The following CSMD1 variants were observed in gnomAD, a reference collection of about 807,000 sequenced individuals.
CSMD1 encodes CUB and Sushi multiple domains 1.
CSMD1 carries 213 observed loss-of-function variants against 417.5 expected under a neutral mutation model. That is an observed-to-expected ratio of 0.51 (90% CI 0.46 to 0.57). CSMD1 has a LOEUF of 0.57. CSMD1 is among the 20% of genes least tolerant of loss of function. CSMD1 has a pLI of 0.00. For synonymous variants in CSMD1, 2,862 were observed against 1,736.8 expected (o/e 1.65, Z -16.11); for missense variants, 6,923 against 4,529.7 (o/e 1.53, Z -15.17).
intron 3 of CSMD1, among the ~76,000 whole-genome samples, chr8:4,224,213 G>C (rs886942159): frequency 2.7e-4 from 30 of 109,390 alleles, no homozygotes; most frequent in South Asian, 1.5e-3. Context: ...TGTGATCCAA[G>C]TCCTAAAAAG....
intron 2 of CSMD1, among the ~76,000 whole-genome samples, chr8:4,429,947 A>T (rs1585061266): frequency 2.0e-5 from 3 of 152,284 alleles, no homozygotes; most frequent in Admixed American, 2.0e-4. Context: ...AATGAAAAAG[A>T]CAAGAGGCAA....
intron 3 of CSMD1, among the ~76,000 whole-genome samples, chr8:4,116,261 T>G (rs1226886474): frequency 2.0e-5 from 3 of 151,950 alleles, no homozygotes; most frequent in African/African-American, 7.3e-5. Context: ...CCCACAGTGC[T>G]GGGATTACAA....
intron 10 of CSMD1, among the ~76,000 whole-genome samples, chr8:3,558,576 GATGA>G (rs1563152871): frequency 1.4e-5 from 2 of 144,048 alleles, no homozygotes; most frequent in African/African-American, 5.4e-5. Flanking sequence ...CTCCTGCAAT[GATGA>G]ATGGTGTCTC....
intron 3 of CSMD1, among the ~76,000 whole-genome samples, chr8:4,059,047 G>C (rs1365799490): frequency 6.6e-6 from 1 of 152,014 alleles, no homozygotes; most frequent in Non-Finnish European, 1.5e-5. Context: ...TGGAAGTAAA[G>C]CTCTCCTCAG....
intron 5 of CSMD1, among the ~76,000 whole-genome samples, chr8:3,826,244 TGGTCAGCCCAGGCACG>T (rs1802047680): frequency 6.6e-6 from 1 of 152,144 alleles, no homozygotes; most frequent in East Asian, 1.9e-4. Context: ...GTGATGCATC[TGGTCAGCCCAGGCACG>T]GGTCACCCAA....
intron 1 of CSMD1, among the ~76,000 whole-genome samples, chr8:4,893,784 A>T (rs1357804199): frequency 6.6e-6 from 1 of 152,138 alleles, no homozygotes; most frequent in South Asian, 2.1e-4. Context: ...CCAATGTCAC[A>T]TTGTTCAGAT....
At chr8:2,944,571 A>G (rs527790729) in intron 68 of CSMD1, among the ~76,000 whole-genome samples, 1 of 152,304 alleles carries the variant, frequency 6.6e-6, no homozygotes, top group Non-Finnish European at 1.5e-5. Context: ...AACTTTCCTG[A>G]AGCCAGGGAT....
Position 3,636,591 on chromosome 8 carries a change from G to A in CSMD1, c.1010-19794C>T, listed in dbSNP as rs147043088. 2.4e-3 allele frequency among the ~76,000 whole-genome samples: 373 copies of A among 152,258 alleles called. 2 individuals carry two copies. The highest frequency in any genetic ancestry group is 8.7e-3 in the African/African-American group (362 of 41,538). On this transcript the variant is annotated intron_variant, in intron 7 of 69. Coordinates refer to ENST00000635120, the MANE Select transcript of CSMD1 (RefSeq NM_033225.6). The stretch of plus-strand genomic sequence containing the variant: ...CTTTATGCTGGTCATGAAACGGAAT[G>A]TGAAAAACATCTTTTCAGGAAATGT...
intron 26 of CSMD1, among the ~76,000 whole-genome samples, chr8:3,268,687 A>T (rs759626454): frequency 3.5e-4 from 54 of 152,286 alleles, no homozygotes; most frequent in Middle Eastern, 3.4e-3. Flanking sequence ...AGACATTGTG[A>T]TAATCCAGTG....
At chr8:3,481,587 T>G (rs750614960) in intron 11 of CSMD1, among the ~76,000 whole-genome samples, 2 of 152,186 alleles carry the variant, frequency 1.3e-5, no homozygotes, top group Non-Finnish European at 2.9e-5. Context: ...TTTGCAAATG[T>G]GATTAAGTTA....
rs11439463 is a variant in CSMD1, at chr8:4,400,761, G to GTTT, written c.415+19189_415+19191dup. 5.8e-3 allele frequency among the ~76,000 whole-genome samples: 807 copies of GTTT among 139,512 alleles called. 12 individuals are homozygous for GTTT. Among genetic ancestry groups the GTTT allele is most frequent in the African/African-American group, 0.019 (746 of 38,298 alleles). 91.5% of individuals were successfully genotyped at this position (139,512 alleles called of 152,430 possible). A position where few individuals can be genotyped will look rare whatever the true frequency, so the allele number is the denominator to read the frequency against. On this transcript the variant is annotated intron_variant, in intron 3 of 69. Coordinates refer to ENST00000635120, the MANE Select transcript of CSMD1 (RefSeq NM_033225.6). Reference sequence around the variant, plus strand: ...TCTCTAATAGAGTGCATACAGATCAGTTTTTTTTTTTTTTTCCTTTTTAAA... The same window carrying GTTT: ...TCTCTAATAGAGTGCATACAGATCAGTTTTTTTTTTTTTTTTTTCCTTTTTAAA...
At chr8:3,390,210 C>A (rs1199065694) in intron 17 of CSMD1, among the ~76,000 whole-genome samples, 2 of 151,720 alleles carry the variant, frequency 1.3e-5, no homozygotes, top group Non-Finnish European at 2.9e-5. Context: ...TAAAAATTAG[C>A]CAGGTGTGGT....
intron 5 of CSMD1, among the ~76,000 whole-genome samples, chr8:3,951,022 A>G (rs1811562270): frequency 6.6e-6 from 1 of 152,246 alleles, no homozygotes; most frequent in Non-Finnish European, 1.5e-5. Flanking sequence ...TCTGATCTAC[A>G]AAAGTCACTT....
intron 3 of CSMD1, among the ~76,000 whole-genome samples, chr8:4,414,873 G>T (rs956669506): frequency 6.6e-6 from 1 of 152,086 alleles, no homozygotes; most frequent in Non-Finnish European, 1.5e-5. Context: ...GGCATATGAG[G>T]TGCCATCTAC....
At chr8:4,983,143 G>A (rs574731101) in intron 1 of CSMD1, among the ~76,000 whole-genome samples, 3 of 152,244 alleles carry the variant, frequency 2.0e-5, no homozygotes, top group Admixed American at 1.3e-4. Flanking sequence ...AATCAAATAA[G>A]CATGGCAAAA....
chr8:4,934,640 C>G (rs1048507669), intron 1 of CSMD1, among the ~76,000 whole-genome samples: 2 of 134,962 alleles, frequency 1.5e-5, no homozygotes, highest in Admixed American at 7.1e-5. Context: ...ATCTATATAT[C>G]ATGTATTTAT....
chr8:4,551,937 T>C (rs937279936), intron 2 of CSMD1, among the ~76,000 whole-genome samples: 2 of 151,778 alleles, frequency 1.3e-5, no homozygotes, highest in Non-Finnish European at 2.9e-5. Context: ...TCTGCCCACC[T>C]TGACCTCCCA....
intron 5 of CSMD1, among the ~76,000 whole-genome samples, chr8:3,968,006 A>T (rs1176244392): frequency 8.4e-5 from 3 of 35,896 alleles, no homozygotes; most frequent in African/African-American, 1.2e-4. Flanking sequence ...TCACTGCTTA[A>T]AAAAAAAAAA....
Position 2,965,775 on chromosome 8 carries a change from C to A in CSMD1, c.9280G>T (p.Ala3094Ser). The A allele has an allele frequency of 6.2e-7, 1 of 1,600,360 alleles. No homozygotes were observed. Among genetic ancestry groups the A allele is most frequent in the Non-Finnish European group, 8.5e-7 (1 of 1,172,760 alleles). ...RWNPSKPVCKAVLCPQPPPVQ... is the reference protein window; with the variant it reads ...RWNPSKPVCKSVLCPQPPPVQ... Reference sequence around the variant, plus strand: ...AAATCCAAAGAGTCACCAAACAAACCTTTGCAGACAGGTTTGCTCGGATTC... The same window carrying A: ...AAATCCAAAGAGTCACCAAACAAACATTTGCAGACAGGTTTGCTCGGATTC... The change falls in exon 59 of 70, where the codon GCC becomes TCC. Residue 3094 changes from alanine (A) to serine (S), a missense_variant and splice_region_variant. By Grantham distance (99) the Ala-to-Ser change is moderately conservative (BLOSUM62 1). Transcript: ENST00000635120.
Sources: allele counts gnomAD v4.1 joint callset (sites outside exome capture counted in the v4.1 genomes callset), GRCh38; gene constraint gnomAD v4.1.1; transcripts MANE v1.5; gene names NCBI Gene and HGNC (gene_info 2026-07-23, HGNC 2026-07-21).